GALNTL6: variants seen among roughly 807,000 people sequenced by gnomAD.
The protein encoded by GALNTL6 is polypeptide N-acetylgalactosaminyltransferase-like 6.
In GALNTL6, 46 loss-of-function variants were observed where a neutral mutation model predicts 73.7. That is an observed-to-expected ratio of 0.62 (90% confidence interval 0.49 to 0.80). The LOEUF (loss-of-function observed/expected upper bound fraction) is 0.80, where lower values mean the gene tolerates loss of function less well. GALNTL6 is among the 30% of genes least tolerant of loss of function. The pLI is 0.00. For synonymous variants in GALNTL6, 259 were observed against 263.7 expected (o/e 0.98, Z 0.17); for missense variants, 604 against 755.0 (o/e 0.80, Z 2.34).
intron 5 of GALNTL6, among the ~76,000 whole-genome samples, chr4:172,536,575 G>GGAACTTT: frequency 6.6e-6 from 1 of 152,254 alleles, no homozygotes; most frequent in Admixed American, 6.5e-5. Context: ...AGAGATCTGT[G>GGAACTTT]GAACTTTGAA....
intron 3 of GALNTL6, among the ~76,000 whole-genome samples, chr4:172,282,821 G>A (rs1475932248): frequency 6.6e-6 from 1 of 151,988 alleles, no homozygotes; most frequent in Non-Finnish European, 1.5e-5. Flanking sequence ...TTATGTGGAA[G>A]CCAGGGTTTG....
chr4:172,304,315 A>C (rs1025781545), intron 3 of GALNTL6, among the ~76,000 whole-genome samples: 3 of 152,188 alleles, frequency 2.0e-5, no homozygotes, highest in African/African-American at 7.2e-5. Flanking sequence ...TGCTGGAGAC[A>C]TTACGATGAA....
intron 2 of GALNTL6, among the ~76,000 whole-genome samples, chr4:172,158,906 A>G (rs372559286): frequency 6.6e-5 from 10 of 152,368 alleles, no homozygotes; most frequent in African/African-American, 2.2e-4. Flanking sequence ...AGGAATATGA[A>G]TGACCATGTG....
intron 5 of GALNTL6, among the ~76,000 whole-genome samples, chr4:172,379,310 C>G (rs894210525): frequency 1.3e-5 from 2 of 151,890 alleles, no homozygotes; most frequent in African/African-American, 4.8e-5. Flanking sequence ...GCGGGTGGAT[C>G]ATGAGGTCAG....
intron 3 of GALNTL6, among the ~76,000 whole-genome samples, chr4:172,237,461 T>C (rs1430772963): frequency 1.3e-5 from 2 of 152,228 alleles, no homozygotes; most frequent in Non-Finnish European, 2.9e-5. Flanking sequence ...TTAAAGTGTG[T>C]AAGTTCCTTA....
intron 5 of GALNTL6, among the ~76,000 whole-genome samples, chr4:172,679,654 A>T (rs1732520056): frequency 6.6e-6 from 1 of 152,162 alleles, no homozygotes; most frequent in South Asian, 2.1e-4. Flanking sequence ...TCTATTACTC[A>T]ACCTGTTATT....
At chr4:172,307,732 A>G (rs1412473356) in intron 3 of GALNTL6, among the ~76,000 whole-genome samples, 1 of 152,130 alleles carries the variant, frequency 6.6e-6, no homozygotes, top group East Asian at 1.9e-4. Flanking sequence ...TTTTTATACC[A>G]GTACCATGCT....
intron 5 of GALNTL6, among the ~76,000 whole-genome samples, chr4:172,486,296 C>T (rs778701562): frequency 5.3e-5 from 8 of 151,976 alleles, no homozygotes; most frequent in Non-Finnish European, 1.2e-4. Flanking sequence ...AAGTGTCGAC[C>T]CTAAGAATAC....
intron 5 of GALNTL6, among the ~76,000 whole-genome samples, chr4:172,525,894 G>A (rs1021151890): frequency 9.2e-5 from 14 of 152,198 alleles, no homozygotes; most frequent in African/African-American, 3.4e-4. Flanking sequence ...ATGATGGATT[G>A]TTTGAGATTT....
chr4:172,156,819 G>A (rs1001611956), intron 2 of GALNTL6, among the ~76,000 whole-genome samples: 2 of 151,586 alleles, frequency 1.3e-5, no homozygotes, highest in African/African-American at 4.9e-5. Context: ...TGGGAAGGAT[G>A]GAAGCTTTTC....
chr4:172,568,805 A>C (rs1317276986), intron 5 of GALNTL6, among the ~76,000 whole-genome samples: 1 of 151,016 alleles, frequency 6.6e-6, no homozygotes, highest in Non-Finnish European at 1.5e-5. Context: ...ATCTACGTCA[A>C]GCTTGTCCAA....
intron 2 of GALNTL6, among the ~76,000 whole-genome samples, chr4:171,856,206 G>A (rs946266480): frequency 1.3e-5 from 2 of 151,918 alleles, no homozygotes; most frequent in Non-Finnish European, 2.9e-5. Context: ...GGGTTCAAGT[G>A]ATTCTTCCAT....
At chr4:172,421,186 A>T (rs1031144611) in intron 5 of GALNTL6, among the ~76,000 whole-genome samples, 1 of 152,122 alleles carries the variant, frequency 6.6e-6, no homozygotes, top group African/African-American at 2.4e-5. Flanking sequence ...AAGTAAAAAT[A>T]AAAAATGGCA....
At chr4:172,458,301 A>G (rs998638497) in intron 5 of GALNTL6, among the ~76,000 whole-genome samples, 1 of 151,742 alleles carries the variant, frequency 6.6e-6, no homozygotes, top group Non-Finnish European at 1.5e-5. Context: ...CAACATCACA[A>G]TTAAAACTAC....
chr4:172,653,670 C>T (rs1008840021), intron 5 of GALNTL6, among the ~76,000 whole-genome samples: 1 of 152,156 alleles, frequency 6.6e-6, no homozygotes, highest in Non-Finnish European at 1.5e-5. Context: ...ATGTTGTGCT[C>T]TTCTATTATT....
At chr4:172,180,606 A>C (rs1735210128) in intron 2 of GALNTL6, among the ~76,000 whole-genome samples, 1 of 151,996 alleles carries the variant, frequency 6.6e-6, no homozygotes, top group South Asian at 2.1e-4. Context: ...TCTTTAATTG[A>C]TCTTGAGTTA....
At chr4:172,516,978 G>A (rs1734629722) in intron 5 of GALNTL6, among the ~76,000 whole-genome samples, 1 of 152,208 alleles carries the variant, frequency 6.6e-6, no homozygotes, top group South Asian at 2.1e-4. Flanking sequence ...ATCTACAGCA[G>A]TCACATTCAT....
At chr4:172,870,699 T>G (rs764010181) in intron 7 of GALNTL6, among the ~76,000 whole-genome samples, 4 of 152,184 alleles carry the variant, frequency 2.6e-5, no homozygotes, top group African/African-American at 9.7e-5. Context: ...TTGGAGATAG[T>G]TGAACAGTTC....
At chr4:172,487,367 CTTCTTTTCTTTTCTT>C (rs200452023) in intron 5 of GALNTL6, among the ~76,000 whole-genome samples, 51 of 87,032 alleles carry the variant, frequency 5.9e-4, no homozygotes, top group African/African-American at 1.7e-3. Context: ...TCCTTCTTTC[CTTCTTTTCTTTTCTT>C]TTCTTTTCTT....
Sources: allele counts gnomAD v4.1 joint callset (sites outside exome capture counted in the v4.1 genomes callset), GRCh38; gene constraint gnomAD v4.1.1; transcripts MANE v1.5; gene names NCBI Gene and HGNC (gene_info 2026-07-23, HGNC 2026-07-21).